Variants in ZNF367 observed in about 807,000 individuals in gnomAD.
ZNF367 encodes C2H2 zinc finger protein ZFF29.
A neutral mutation model predicts 31.8 loss-of-function variants in ZNF367; 11 were observed. The ratio of observed to expected loss-of-function variants is 0.35; its 90% CI spans 0.22 to 0.57. The LOEUF (loss-of-function observed/expected upper bound fraction) is 0.57. ZNF367 is among the 20% of genes least tolerant of loss of function. ZNF367 has a pLI of 0.85. For synonymous variants in ZNF367, 199 were observed against 202.4 expected (o/e 0.98, Z 0.14); for missense variants, 353 against 484.1 (o/e 0.73, Z 2.54).
intron 2 of ZNF367, 76 bp from the exon 3 acceptor site, chr9:96,395,018 C>T (rs1831514533): frequency 1.3e-6 from 2 of 1,535,616 alleles, no homozygotes; most frequent in South Asian, 2.3e-5. Flanking sequence ...GAGAATCAGC[C>T]TTTATATAGG....
chr9:96,404,391 G>A (rs929976899), intron 1 of ZNF367, among the ~76,000 whole-genome samples: 25 of 151,520 alleles, frequency 1.6e-4, no homozygotes, highest in African/African-American at 5.8e-4. Flanking sequence ...TCAAGAGATC[G>A]AGACCATCCT....
rs1831841965 is a variant in ZNF367, at chr9:96,417,222, C to G, written c.420+391G>C. On this transcript the variant is annotated intron_variant, in intron 1 of 4. Coordinates refer to ENST00000375256, the MANE Select transcript of ZNF367 (RefSeq NM_153695.4). This position sits in a 1 kb window ranked among gnomAD's most constrained non-coding sequence, Gnocchi z 5.0. ...GCGAGGGCGATCTGCAGTAATGGAG[C>G]AAACACTGTGCGCTCCCTGCCCTCT... 6.6e-6 allele frequency among the ~76,000 whole-genome samples: 1 copy of G among 152,204 alleles called. No individual in the cohort carries two copies. The highest frequency in any genetic ancestry group is 2.4e-5 in the African/African-American group (1 of 41,462).
At chr9:96,415,180 G>T (rs184375369) in intron 1 of ZNF367, among the ~76,000 whole-genome samples, 2 of 148,678 alleles carry the variant, frequency 1.3e-5, no homozygotes, top group African/African-American at 5.0e-5. Flanking sequence ...TCAGCCTCCC[G>T]AGCAGGTGGG....
chr9:96,392,354 C>G (rs571774005), intron 4 of ZNF367, 44 bp downstream of exon 4: 7 of 1,613,444 alleles, frequency 4.3e-6, no homozygotes, highest in Non-Finnish European at 5.9e-6. Context: ...AGCCCCAGCC[C>G]GCGCTGTGCA....
intron 2 of ZNF367, among the ~76,000 whole-genome samples, chr9:96,396,334 T>G (rs1831530094): frequency 6.6e-6 from 1 of 152,230 alleles, no homozygotes; most frequent in South Asian, 2.1e-4. Flanking sequence ...TTCTCAAAAT[T>G]AGAATGTTTC....
At chr9:96,416,084 G>GTTTTTTTTTTTTT (rs1564146300) in intron 1 of ZNF367, among the ~76,000 whole-genome samples, 1 of 131,216 alleles carries the variant, frequency 7.6e-6, no homozygotes. Flanking sequence ...TTTTTTTTTT[G>GTTTTTTTTTTTTT]TTGTTTTTTT....
chr9:96,392,589 C>T (rs1831485176), intron 3 of ZNF367, 53 bp from the exon 4 acceptor site: 1 of 1,534,828 alleles, frequency 6.5e-7, no homozygotes, highest in South Asian at 1.3e-5. Context: ...AGCACATAGA[C>T]ATGTGGAAAA....
chr9:96,396,140 A>G (rs1266022095), intron 2 of ZNF367, among the ~76,000 whole-genome samples: 1 of 152,178 alleles, frequency 6.6e-6, no homozygotes, highest in East Asian at 1.9e-4. Flanking sequence ...ATGTACAGAC[A>G]TCTAGGCTGA....
At chr9:96,391,498 C>T (rs966641575) in intron 4 of ZNF367, among the ~76,000 whole-genome samples, 2 of 152,164 alleles carry the variant, frequency 1.3e-5, no homozygotes, top group Admixed American at 6.5e-5. Flanking sequence ...CACAGCCCAG[C>T]ATGGCAGGGG....
At chr9:96,409,894 A>G (rs1374970014) in intron 1 of ZNF367, among the ~76,000 whole-genome samples, 1 of 152,268 alleles carries the variant, frequency 6.6e-6, no homozygotes, top group East Asian at 1.9e-4. Context: ...ATAAGTACAA[A>G]ATAAATATAA....
chr9:96,395,035 C>G, intron 2 of ZNF367, 93 bp from the exon 3 acceptor site: 1 of 1,374,832 alleles, frequency 7.3e-7, no homozygotes, highest in South Asian at 1.3e-5. Flanking sequence ...TAGGTCATGA[C>G]TCCCAATAAC....
At chr9:96,389,498 G>C (rs1237331046) in intron 4 of ZNF367, among the ~76,000 whole-genome samples, 1 of 151,842 alleles carries the variant, frequency 6.6e-6, no homozygotes, top group Non-Finnish European at 1.5e-5. Context: ...GATCAGTGTT[G>C]TATGGGGGGA....
rs1199511577 is a variant in ZNF367, at chr9:96,386,389, C to G, written c.*1848G>C. ...TTCTTTAGTTAAGTTGATCAAAGTTCAAATTTCCCAAGACTGATGAGTGTT... is the reference window on the plus strand; with the variant it reads ...TTCTTTAGTTAAGTTGATCAAAGTTGAAATTTCCCAAGACTGATGAGTGTT... On this transcript the variant is annotated 3_prime_UTR_variant, in exon 5 of 5. Coordinates refer to ENST00000375256, the MANE Select transcript of ZNF367 (RefSeq NM_153695.4). 6.6e-6 allele frequency: 1 copy of G among 152,044 alleles called. No individual in the cohort carries two copies. Among genetic ancestry groups the G allele is most frequent in the African/African-American group, 2.4e-5 (1 of 41,428 alleles). The allele number at this position is 152,044 out of a possible 1,614,324, so 9.4% of individuals were successfully genotyped here.
chr9:96,418,237 C>G lies in ZNF367; in HGVS notation c.-205G>C, dbSNP rs1831863676. ...GGCTGGACCCCAGCCCCAGGTCAAG[C>G]GCGCCCTCCGCTCTTTGTACTCCGC... On this transcript the variant is annotated 5_prime_UTR_variant, in exon 1 of 5. Coordinates refer to ENST00000375256, the MANE Select transcript of ZNF367 (RefSeq NM_153695.4). 2.9e-6 allele frequency: 2 copies of G among 687,120 alleles called. No homozygotes were observed. The highest frequency in any genetic ancestry group is 8.7e-5 in the Admixed American group (2 of 22,952). 42.6% of individuals were successfully genotyped at this position (687,120 alleles called of 1,614,324 possible).
At chr9:96,414,087 C>G (rs2131083578) in intron 1 of ZNF367, among the ~76,000 whole-genome samples, 1 of 152,336 alleles carries the variant, frequency 6.6e-6, no homozygotes, top group East Asian at 1.9e-4. Context: ...GGCTGGGACT[C>G]TCTATCTTTG....
chr9:96,414,873 C>T (rs1831797610), intron 1 of ZNF367, among the ~76,000 whole-genome samples: 1 of 152,152 alleles, frequency 6.6e-6, no homozygotes, highest in African/African-American at 2.4e-5. Flanking sequence ...CATTAATCTT[C>T]TTGGGTGATC....
intron 2 of ZNF367, among the ~76,000 whole-genome samples, chr9:96,396,313 AT>A (rs1412750505): frequency 3.9e-5 from 6 of 152,224 alleles, no homozygotes; most frequent in Non-Finnish European, 8.8e-5. Context: ...ATTGAAAAAA[AT>A]ATATAAAAAT....
chr9:96,417,437 G>GA lies in ZNF367; in HGVS notation c.420+175_420+176insT, dbSNP rs1564146723. Among the ~76,000 whole-genome samples, 23 of 131,380 alleles carry GA rather than the reference G, an allele frequency of 1.8e-4. No homozygotes were observed. Among genetic ancestry groups the GA allele is most frequent in the Non-Finnish European group, 3.1e-5 (2 of 64,034 alleles). The allele number at this position is 131,380 out of a possible 152,430, so 86.2% of individuals were successfully genotyped here. A position where few individuals can be genotyped will look rare whatever the true frequency, so the allele number is the denominator to read the frequency against. ...GCCGCTCCCGCCTGTCACGTGACAGGCCCCCCCCGACTGGGGCCGGTTTTT... is the reference window on the plus strand; with the variant it reads ...GCCGCTCCCGCCTGTCACGTGACAGGACCCCCCCCGACTGGGGCCGGTTTTT... On this transcript the variant is annotated intron_variant, in intron 1 of 4. Transcript: ENST00000375256. This position sits in a 1 kb window ranked among gnomAD's most constrained non-coding sequence, Gnocchi z 5.0.
At chr9:96,410,875 AAAAACAAAAC>A (rs750089764) in intron 1 of ZNF367, among the ~76,000 whole-genome samples, 86 of 151,282 alleles carry the variant, frequency 5.7e-4, no homozygotes, top group Non-Finnish European at 1.0e-3. Flanking sequence ...AGACTCTGTC[AAAAACAAAAC>A]AAAACAAAAC....
Sources: allele counts gnomAD v4.1 joint callset (sites outside exome capture counted in the v4.1 genomes callset), GRCh38; gene constraint gnomAD v4.1.1; non-coding constraint Gnocchi (gnomAD v3.1); transcripts MANE v1.5; gene names NCBI Gene and HGNC (gene_info 2026-07-23, HGNC 2026-07-21).